The following SLC6A6 variants were observed in gnomAD, a reference collection of about 807,000 sequenced individuals.
SLC6A6 encodes solute carrier family 6 member 6.
SLC6A6 carries 16 observed loss-of-function variants against 68.8 expected under a neutral mutation model. The observed-to-expected ratio is 0.23, with a 90% CI of 0.16 to 0.35. SLC6A6 has a LOEUF of 0.35. SLC6A6 is among the 10% of genes least tolerant of loss of function. SLC6A6 has a pLI of 1.00. For missense variants in SLC6A6, 474 were observed against 802.8 expected, an observed-to-expected ratio of 0.59 and a Z score of 4.95; for synonymous variants, 312 against 315.4, an observed-to-expected ratio of 0.99 and a Z score of 0.12.
intron 1 of SLC6A6, among the ~76,000 whole-genome samples, chr3:14,408,280 A>C (rs1013301747): frequency 3.9e-5 from 6 of 152,222 alleles, no homozygotes; most frequent in Non-Finnish European, 5.9e-5. Flanking sequence ...ATTATAAAAA[A>C]GTACAATCTG....
intron 9 of SLC6A6, among the ~76,000 whole-genome samples, chr3:14,469,997 T>C (rs992370515): frequency 6.6e-6 from 1 of 151,864 alleles, no homozygotes; most frequent in African/African-American, 2.4e-5. Context: ...CCTTAGGGAG[T>C]TTGGCAATTA....
At chr3:14,456,245 A>G (rs1044102175) in intron 5 of SLC6A6, among the ~76,000 whole-genome samples, 1 of 152,254 alleles carries the variant, frequency 6.6e-6, no homozygotes, top group African/African-American at 2.4e-5. Flanking sequence ...TCATGTTGAC[A>G]TCCCTGGTGC....
intron 2 of SLC6A6, among the ~76,000 whole-genome samples, chr3:14,420,306 A>G (rs1253331097): frequency 6.6e-6 from 1 of 152,108 alleles, no homozygotes; most frequent in Non-Finnish European, 1.5e-5. Flanking sequence ...GATGGTGCGC[A>G]CCTGTAGTTC....
intron 9 of SLC6A6, among the ~76,000 whole-genome samples, chr3:14,469,434 G>C (rs1700702208): frequency 6.6e-6 from 1 of 152,184 alleles, no homozygotes; most frequent in South Asian, 2.1e-4. Context: ...ATGAGGCGAT[G>C]TCCCAGTCCC....
At chr3:14,475,151 C>T (rs1267059686) in intron 10 of SLC6A6, among the ~76,000 whole-genome samples, 3 of 152,228 alleles carry the variant, frequency 2.0e-5, no homozygotes, top group African/African-American at 7.2e-5. Context: ...CCTGCCTCAG[C>T]CTCCCAAGTA....
chr3:14,478,129 AC>A (rs1029884062), intron 11 of SLC6A6, among the ~76,000 whole-genome samples: 14 of 151,562 alleles, frequency 9.2e-5, no homozygotes, highest in African/African-American at 2.9e-4. Context: ...ATTTGTAAGA[AC>A]CCCCACCCCA....
At chr3:14,416,760 C>T (rs559423474) in intron 2 of SLC6A6, among the ~76,000 whole-genome samples, 1 of 152,272 alleles carries the variant, frequency 6.6e-6, no homozygotes, top group African/African-American at 2.4e-5. Flanking sequence ...TGCAGAGTAG[C>T]CTGGGGCAAG....
chr3:14,437,108 C>CA (rs964964321), intron 2 of SLC6A6, among the ~76,000 whole-genome samples: 45 of 152,272 alleles, frequency 3.0e-4, no homozygotes, highest in African/African-American at 9.9e-4. Flanking sequence ...TTTATCAGCA[C>CA]AGGAAGGATG....
Position 14,445,458 on chromosome 3 carries a change from GAAAGA to G in SLC6A6, c.230-255_230-251del, listed in dbSNP as rs1220606187. Among the ~76,000 whole-genome samples the G allele has an allele frequency of 5.3e-5, 8 of 151,580 alleles. No individual in the cohort carries two copies. The East Asian group carries it at 1.6e-3, about 29-fold the overall frequency. On this transcript the variant is annotated intron_variant, in intron 3 of 14. Transcript: ENST00000622186. Reference sequence around the variant, plus strand: ...AAAAAGAAAAAAAGAAAGAAAGAAAGAAAGAAAAAAAAGAAGGCTCTGAGGCTTGA... The same window carrying G: ...AAAAAGAAAAAAAGAAAGAAAGAAAGAAAAAAAGAAGGCTCTGAGGCTTGA...
intron 2 of SLC6A6, among the ~76,000 whole-genome samples, chr3:14,421,090 A>G (rs1699475421): frequency 6.6e-6 from 1 of 152,224 alleles, no homozygotes; most frequent in Non-Finnish European, 1.5e-5. Context: ...TATCAGTGAC[A>G]GCCCTGGGGC....
Position 14,475,698 on chromosome 3 carries a change from C to T in SLC6A6, c.1210-1507C>T, listed in dbSNP as rs113242428. On this transcript the variant is annotated intron_variant, in intron 10 of 14. Coordinates refer to ENST00000622186, the MANE Select transcript of SLC6A6 (RefSeq NM_003043.6). ...ACCTTCCTGTCTTTAATTTCCCCAT[C>T]TCAAAAAAGGAAAGAACCTTTGTTT... is the stretch of plus-strand genomic sequence containing the variant. Among the ~76,000 whole-genome samples the T allele has an allele frequency of 3.7e-3, 560 of 152,272 alleles. 3 individuals carry two copies. Among genetic ancestry groups the T allele is most frequent in the African/African-American group, 0.013 (529 of 41,568 alleles).
rs149232776 is a variant in SLC6A6 at position 14,423,462 on chromosome 3, C to T, written c.-12+7009C>T. On this transcript the variant is annotated intron_variant, in intron 2 of 14. Coordinates refer to ENST00000622186, the MANE Select transcript of SLC6A6 (RefSeq NM_003043.6). ...CTTGTCTCAGGTGGGTAGAAGGAAG[C>T]TGTTTGTGACTGTGGGCTCATGAGC... Among the ~76,000 whole-genome samples the T allele has an allele frequency of 2.0e-3, 308 of 152,308 alleles. 1 individual carries two copies. The highest frequency in any genetic ancestry group is 7.0e-3 in the African/African-American group (292 of 41,570).
intron 2 of SLC6A6, among the ~76,000 whole-genome samples, 190 bp from the exon 3 acceptor site, chr3:14,443,434 T>C (rs1470484007): frequency 6.6e-6 from 1 of 152,170 alleles, no homozygotes; most frequent in Non-Finnish European, 1.5e-5. Context: ...TTGAGGTCCC[T>C]GGTCCATGAA....
chr3:14,482,995 G>A (rs1382828016), intron 14 of SLC6A6, among the ~76,000 whole-genome samples: 8 of 152,116 alleles, frequency 5.3e-5, no homozygotes, highest in Non-Finnish European at 7.3e-5. Context: ...GGGTTCATTA[G>A]GGCACAGCAA....
intron 2 of SLC6A6, among the ~76,000 whole-genome samples, chr3:14,435,543 C>T (rs1465277179): frequency 6.6e-6 from 1 of 152,246 alleles, no homozygotes; most frequent in Non-Finnish European, 1.5e-5. Context: ...ATTGTTTCGG[C>T]TTTGTTCCGG....
intron 6 of SLC6A6, among the ~76,000 whole-genome samples, chr3:14,466,281 A>G (rs532747763): frequency 0.02 from 2,982 of 150,216 alleles, 113 homozygotes; most frequent in African/African-American, 0.069. Flanking sequence ...AAAAAAAAAA[A>G]AAAAAAAGAA....
At chr3:14,442,089 A>G (rs1173836448) in intron 2 of SLC6A6, among the ~76,000 whole-genome samples, 1 of 152,202 alleles carries the variant, frequency 6.6e-6, no homozygotes, top group Admixed American at 6.5e-5. Context: ...CTGGGTGGTG[A>G]GCTGGCCAGG....
intron 1 of SLC6A6, among the ~76,000 whole-genome samples, chr3:14,415,601 A>G (rs1056425064): frequency 6.6e-6 from 1 of 152,228 alleles, no homozygotes; most frequent in African/African-American, 2.4e-5. Flanking sequence ...GATTCCAGGA[A>G]TCCAGGAGAG....
At position 14,443,745 on chromosome 3, in the gene SLC6A6, A is replaced by G. The variant is rs1009424842; in HGVS notation, c.111A>G (p.Lys37=). 9 of 1,613,586 alleles carry G rather than the reference A, an allele frequency of 5.6e-6. No individual in the cohort carries two copies. Among genetic ancestry groups the G allele is most frequent in the Non-Finnish European group, 7.6e-6 (9 of 1,179,814 alleles). ...GTRPEDEAEG[K]PPQREKWSSK... The stretch of plus-strand genomic sequence containing the variant: ...GGCCTGAGGACGAGGCTGAGGGAAA[A>G]CCTCCGCAGAGGGAGAAGTGGTCTA... The change falls in exon 3 of 15, where the codon AAA becomes AAG. Residue 37 remains lysine, a synonymous_variant. Coordinates refer to ENST00000622186, the MANE Select transcript of SLC6A6 (RefSeq NM_003043.6).
Sources: gnomAD v4.1 joint callset for allele counts (sites outside exome capture counted in the v4.1 genomes callset) on GRCh38, gnomAD v4.1.1 for gene constraint, MANE v1.5 for transcripts, NCBI Gene and HGNC (gene_info 2026-07-23, HGNC 2026-07-21) for gene names.